Variants in TRAPPC9 observed in about 807,000 individuals in gnomAD.
TRAPPC9 encodes trafficking protein particle complex subunit 9, also known as IKK2 binding protein.
Under a neutral mutation model 124.0 loss-of-function variants are expected in TRAPPC9, and 83 were observed. The ratio of observed to expected loss-of-function variants is 0.67; its 90% CI spans 0.56 to 0.80. The LOEUF (loss-of-function observed/expected upper bound fraction) is 0.80. TRAPPC9 is among the 30% of genes least tolerant of loss of function. TRAPPC9 has a pLI of 0.00. For missense variants in TRAPPC9, 1,302 were observed against 1,508.3 expected, an observed-to-expected ratio of 0.86 and a Z score of 2.27; for synonymous variants, 638 against 617.5, an observed-to-expected ratio of 1.03 and a Z score of -0.49.
chr8:139,751,828 T>C (rs1056061613), intron 21 of TRAPPC9, among the ~76,000 whole-genome samples: 1 of 151,028 alleles, frequency 6.6e-6, no homozygotes, highest in African/African-American at 2.4e-5. Flanking sequence ...CCACCATTCA[T>C]TTATCATCCA....
intron 5 of TRAPPC9, among the ~76,000 whole-genome samples, chr8:140,410,199 A>T (rs2069652722): frequency 6.6e-6 from 1 of 150,900 alleles, no homozygotes; most frequent in Non-Finnish European, 1.5e-5. Flanking sequence ...TCTCTGGGTA[A>T]CCCTTTTTAT....
intron 14 of TRAPPC9, among the ~76,000 whole-genome samples, chr8:140,279,969 C>G (rs532935765): frequency 6.6e-6 from 1 of 152,218 alleles, no homozygotes; most frequent in Non-Finnish European, 1.5e-5. Flanking sequence ...TTTGCTGGAG[C>G]GCTGGCCGGA....
chr8:139,850,456 T>C (rs750472888), intron 21 of TRAPPC9, among the ~76,000 whole-genome samples: 13 of 152,194 alleles, frequency 8.5e-5, no homozygotes, highest in Non-Finnish European at 1.5e-4. Flanking sequence ...AATCCCAGCA[T>C]TGCCTTGTCC....
chr8:140,183,863 AAGAAGAAG>A (rs1191933389), intron 17 of TRAPPC9, among the ~76,000 whole-genome samples: 1 of 29,116 alleles, frequency 3.4e-5, no homozygotes, highest in Non-Finnish European at 6.2e-5. Context: ...AAAAAAAAAA[AAGAAGAAG>A]AAGAAGAAGA....
At chr8:140,320,327 C>T (rs1044679050) in intron 9 of TRAPPC9, among the ~76,000 whole-genome samples, 2 of 152,164 alleles carry the variant, frequency 1.3e-5, no homozygotes, top group Non-Finnish European at 2.9e-5. Flanking sequence ...ATGGAGCTGA[C>T]GCATCTTTAT....
intron 20 of TRAPPC9, among the ~76,000 whole-genome samples, chr8:139,893,033 T>G (rs1830443423): frequency 6.6e-6 from 1 of 152,196 alleles, no homozygotes. Context: ...GGGAAGGCTT[T>G]CAACCTTACT....
chr8:140,169,057 A>G (rs1342665031), intron 17 of TRAPPC9, among the ~76,000 whole-genome samples: 1 of 152,216 alleles, frequency 6.6e-6, no homozygotes, highest in Non-Finnish European at 1.5e-5. Context: ...ACCAACATGC[A>G]TGAGGTAAGC....
At chr8:140,133,943 GATTT>G (rs2061249159) in intron 17 of TRAPPC9, among the ~76,000 whole-genome samples, 1 of 148,944 alleles carries the variant, frequency 6.7e-6, no homozygotes, top group Non-Finnish European at 1.5e-5. Flanking sequence ...ATGGATACTA[GATTT>G]ATTATTGTTA....
intron 17 of TRAPPC9, among the ~76,000 whole-genome samples, chr8:140,083,431 G>T (rs1392233129): frequency 6.6e-6 from 1 of 152,142 alleles, no homozygotes; most frequent in Non-Finnish European, 1.5e-5. Flanking sequence ...AAATGCTTCT[G>T]TATTAGCGCT....
chr8:139,873,985 A>G (rs971472971), intron 21 of TRAPPC9, among the ~76,000 whole-genome samples: 2 of 152,204 alleles, frequency 1.3e-5, no homozygotes, highest in African/African-American at 4.8e-5. Context: ...CCGAGGATCC[A>G]GACTGACCCA....
At chr8:140,398,708 G>A (rs1159315397) in intron 6 of TRAPPC9, among the ~76,000 whole-genome samples, 1 of 152,182 alleles carries the variant, frequency 6.6e-6, no homozygotes, top group Non-Finnish European at 1.5e-5. Context: ...TTTTAAAAGG[G>A]AAACAGCATA....
intron 19 of TRAPPC9, among the ~76,000 whole-genome samples, chr8:139,945,831 G>A (rs1834179788): frequency 6.6e-6 from 1 of 152,078 alleles, no homozygotes; most frequent in South Asian, 2.1e-4. Context: ...AATATACTGA[G>A]GTTTGCAATT....
At chr8:140,020,923 T>C (rs1363928425) in intron 18 of TRAPPC9, among the ~76,000 whole-genome samples, 1 of 152,234 alleles carries the variant, frequency 6.6e-6, no homozygotes, top group African/African-American at 2.4e-5. Flanking sequence ...AACCGTTTGA[T>C]ATTAAGATAC....
At chr8:139,747,021 T>TGCTTCC (rs1818943348) in intron 21 of TRAPPC9, among the ~76,000 whole-genome samples, 1 of 152,142 alleles carries the variant, frequency 6.6e-6, no homozygotes, top group Non-Finnish European at 1.5e-5. Flanking sequence ...AAATGGAAAA[T>TGCTTCC]ATGCCTGCTG....
Position 140,283,960 on chromosome 8 carries a change from T to C in TRAPPC9, c.2043A>G (p.Ile681Met). The C allele has an allele frequency of 6.2e-7, 1 of 1,614,202 alleles. No individual in the cohort carries two copies. The highest frequency in any genetic ancestry group is 8.5e-7 in the Non-Finnish European group (1 of 1,180,032). ...SDCLLDNLPG[I>M]KTSGSTVEVI... Reference sequence around the variant, plus strand: ...CTTCCACTGTGGAGCCACTGGTTTTTATTCCCGGCAGGTTATCCAGCAAAC... The same window carrying C: ...CTTCCACTGTGGAGCCACTGGTTTTCATTCCCGGCAGGTTATCCAGCAAAC... The change falls in exon 14 of 23, where the codon ATA (isoleucine) becomes ATG (methionine). Residue 681 changes from isoleucine (I) to methionine (M), a missense_variant. Coordinates refer to ENST00000438773, the MANE Select transcript of TRAPPC9 (RefSeq NM_001160372.4).
chr8:139,872,419 GAT>G, intron 21 of TRAPPC9, among the ~76,000 whole-genome samples: 1 of 146,722 alleles, frequency 6.8e-6, no homozygotes. Context: ...TGGATGGATG[GAT>G]GGATGGGCTG....
chr8:140,099,267 G>C (rs1443007697), intron 17 of TRAPPC9: 1 of 150,392 alleles, frequency 6.6e-6, no homozygotes. Flanking sequence ...ACGCTCTCCT[G>C]AATCTTCCGC....
chr8:139,967,007 C>G lies in TRAPPC9; in HGVS notation c.2810+21719G>C, dbSNP rs75176254. Among the ~76,000 whole-genome samples, 699 of 152,236 alleles carry G rather than the reference C, an allele frequency of 4.6e-3. 11 individuals carry two copies. The highest frequency in any genetic ancestry group is 0.015 in the African/African-American group (637 of 41,536). ...AGAGAGCAAAAAGTCAACGTAAAGA[C>G]GAAGTTTTAATAAGCATGGTAGTTT... On this transcript the variant is annotated intron_variant, in intron 19 of 22. Coordinates refer to ENST00000438773, the MANE Select transcript of TRAPPC9 (RefSeq NM_001160372.4).
intron 7 of TRAPPC9, among the ~76,000 whole-genome samples, chr8:140,382,501 A>C (rs747307284): frequency 1.6e-4 from 24 of 152,142 alleles, no homozygotes; most frequent in Non-Finnish European, 2.8e-4. Context: ...TATCCCGCGC[A>C]TGGCTGGGAG....
Sources: allele counts gnomAD v4.1 joint callset (sites outside exome capture counted in the v4.1 genomes callset), GRCh38; gene constraint gnomAD v4.1.1; transcripts MANE v1.5; gene names NCBI Gene and HGNC (gene_info 2026-07-23, HGNC 2026-07-21).